NXN: variants seen among roughly 807,000 people sequenced by gnomAD.
NXN encodes the protein nucleoredoxin, also known as nucleoredoxin 1.
NXN carries 16 observed loss-of-function variants against 48.6 expected under a neutral mutation model. The ratio of observed to expected loss-of-function variants is 0.33; its 90% CI spans 0.22 to 0.50. The LOEUF (loss-of-function observed/expected upper bound fraction) is 0.50, where lower values mean the gene tolerates loss of function less well. NXN is among the 20% of genes least tolerant of loss of function. NXN has a pLI of 0.98. For missense variants in NXN, 492 were observed against 605.5 expected (o/e 0.81, Z 1.97); for synonymous variants, 281 against 269.6 (o/e 1.04, Z -0.41).
rs551290142 is a variant in NXN at position 835,119 on chromosome 17, T to C, written c.361-9041A>G. On this transcript the variant is annotated intron_variant, in intron 1 of 7. Transcript: ENST00000336868. ...GTCAGGAGATCGAGACCATCCTGGC[T>C]AACATGGTGAAACCCTGTCTCTACT... is the stretch of plus-strand genomic sequence containing the variant. Among the ~76,000 whole-genome samples, 250 of 150,796 alleles carry C rather than the reference T, an allele frequency of 1.7e-3. 1 individual carries two copies. The highest frequency in any genetic ancestry group is 0.012 in the South Asian group (58 of 4,716).
At chr17:911,953 T>C (rs2068640615) in intron 1 of NXN, among the ~76,000 whole-genome samples, 1 of 144,910 alleles carries the variant, frequency 6.9e-6, no homozygotes, top group Admixed American at 7.0e-5. Context: ...TTTTTTTTTT[T>C]GAGATGGACA....
chr17:933,981 C>A (rs2068879483), intron 1 of NXN, among the ~76,000 whole-genome samples: 1 of 152,166 alleles, frequency 6.6e-6, no homozygotes, highest in Non-Finnish European at 1.5e-5. Flanking sequence ...GGGTGGCATG[C>A]CTCACTATGT....
At chr17:852,433 C>G (rs2067934030) in intron 1 of NXN, among the ~76,000 whole-genome samples, 2 of 152,208 alleles carry the variant, frequency 1.3e-5, no homozygotes, top group South Asian at 4.1e-4. Context: ...TGTTTTCTCT[C>G]TCCTTTCTAC....
At chr17:836,884 C>T (rs1015166947) in intron 1 of NXN, among the ~76,000 whole-genome samples, 2 of 152,082 alleles carry the variant, frequency 1.3e-5, no homozygotes, top group Non-Finnish European at 2.9e-5. Flanking sequence ...CTCCACCTCC[C>T]GGGCTCAAGC....
intron 1 of NXN, among the ~76,000 whole-genome samples, chr17:913,835 T>G (rs894811880): frequency 6.6e-6 from 1 of 152,226 alleles, no homozygotes; most frequent in Non-Finnish European, 1.5e-5. Context: ...CTTACTTAAG[T>G]GCAAGGACAT....
At chr17:948,705 C>A (rs1483634163) in intron 1 of NXN, among the ~76,000 whole-genome samples, 2 of 151,824 alleles carry the variant, frequency 1.3e-5, no homozygotes, top group African/African-American at 4.8e-5. Flanking sequence ...CGGGGCCTCA[C>A]CCCGGCCCGT....
chr17:921,600 C>T (rs948993909), intron 1 of NXN, among the ~76,000 whole-genome samples: 4 of 152,162 alleles, frequency 2.6e-5, no homozygotes, highest in Admixed American at 6.5e-5. Context: ...TGCTCCAGCA[C>T]GCTAGACAAC....
intron 1 of NXN, among the ~76,000 whole-genome samples, chr17:912,916 C>T (rs370616487): frequency 2.0e-5 from 3 of 151,458 alleles, no homozygotes; most frequent in East Asian, 1.9e-4. Flanking sequence ...ATTGCACCAC[C>T]GCACTCCAGC....
At chr17:824,140 C>T (rs563396) in intron 2 of NXN, among the ~76,000 whole-genome samples, 76,142 of 151,192 alleles carry the variant, frequency 0.5, 20,011 homozygotes, top group African/African-American at 0.66. Context: ...CCCGGGTTCA[C>T]GCCATTCCCC....
At chr17:961,830 T>A (rs550335736) in intron 1 of NXN, among the ~76,000 whole-genome samples, 2 of 152,278 alleles carry the variant, frequency 1.3e-5, no homozygotes, top group African/African-American at 2.4e-5. Flanking sequence ...AGTGGCCTCA[T>A]AAAGAAGAAA....
intron 1 of NXN, among the ~76,000 whole-genome samples, chr17:893,515 GGCCAGAGGAAGCATCTCAACGCCTGGAA>G (rs1314370625): frequency 2.6e-5 from 4 of 152,178 alleles, no homozygotes; most frequent in Admixed American, 6.5e-5. Flanking sequence ...CTTCAAAAAA[GGCCAGAGGAAGCATCTCAACGCCTGGAA>G]GCCAGAGGAA....
intron 1 of NXN, among the ~76,000 whole-genome samples, chr17:874,509 G>A (rs929439943): frequency 1.3e-5 from 2 of 152,222 alleles, no homozygotes; most frequent in African/African-American, 2.4e-5. Context: ...GCTTGAACCC[G>A]AGAGGCAGAG....
chr17:847,955 T>G (rs1037911750), intron 1 of NXN, among the ~76,000 whole-genome samples: 5 of 152,186 alleles, frequency 3.3e-5, no homozygotes, highest in Non-Finnish European at 5.9e-5. Context: ...CGTTCCCCAC[T>G]TCTTCCAGAC....
At chr17:865,400 G>A (rs1187488884) in intron 1 of NXN, among the ~76,000 whole-genome samples, 1 of 151,794 alleles carries the variant, frequency 6.6e-6, no homozygotes, top group African/African-American at 2.4e-5. Flanking sequence ...GCACCACCAC[G>A]CCCGGCTGAT....
intron 1 of NXN, among the ~76,000 whole-genome samples, chr17:959,568 G>A (rs772744062): frequency 7.9e-5 from 12 of 152,004 alleles, no homozygotes; most frequent in Non-Finnish European, 7.4e-5. Flanking sequence ...AGGCTGAGGC[G>A]GGCAGATTAC....
chr17:908,199 G>A (rs1567857909), intron 1 of NXN, among the ~76,000 whole-genome samples: 1 of 152,140 alleles, frequency 6.6e-6, no homozygotes, highest in Non-Finnish European at 1.5e-5. Flanking sequence ...CCTCAATTCT[G>A]ACCCCTGATT....
chr17:940,637 C>T (rs6598839), intron 1 of NXN, among the ~76,000 whole-genome samples: 106,281 of 150,378 alleles, frequency 0.71, 37,819 homozygotes, highest in Middle Eastern at 0.8. Flanking sequence ...GATTCCAGGG[C>T]ACAGCCATGA....
intron 1 of NXN, among the ~76,000 whole-genome samples, chr17:886,960 G>C (rs998538117): frequency 1.3e-5 from 2 of 151,996 alleles, no homozygotes; most frequent in African/African-American, 4.8e-5. Flanking sequence ...GATCCAGGCT[G>C]GAGTGCAGTG....
chr17:825,467 T>C lies in NXN; in HGVS notation c.478+494A>G. On this transcript the variant is annotated intron_variant, in intron 2 of 7. Transcript: ENST00000336868. The surrounding 1 kb of genome is among the most constrained non-coding windows in gnomAD (Gnocchi z 4.1). ...CGGCTGGAGGAGCACAGCCCACGCGTAGCCAGCAAGACCAAGGCCCGCAGG... is the reference window on the plus strand; with the variant it reads ...CGGCTGGAGGAGCACAGCCCACGCGCAGCCAGCAAGACCAAGGCCCGCAGG... The C allele has an allele frequency of 6.2e-6, 1 of 160,768 alleles. No individual in the cohort carries two copies. The highest frequency in any genetic ancestry group is 1.7e-4 in the South Asian group (1 of 6,020). The allele number at this position is 160,768 out of a possible 1,614,324, so 10.0% of individuals were successfully genotyped here. A position where few individuals can be genotyped will look rare whatever the true frequency, so the allele number is the denominator to read the frequency against.
Sources: allele counts gnomAD v4.1 joint callset (sites outside exome capture counted in the v4.1 genomes callset), GRCh38; gene constraint gnomAD v4.1.1; non-coding constraint Gnocchi (gnomAD v3.1); transcripts MANE v1.5; gene names NCBI Gene and HGNC (gene_info 2026-07-23, HGNC 2026-07-21).